ATE1: variants seen among roughly 807,000 people sequenced by gnomAD.
ATE1 encodes the protein arginyltransferase 1.
In ATE1, 36 loss-of-function variants were observed where a neutral mutation model predicts 70.5. That is an observed-to-expected ratio of 0.51 (90% CI 0.39 to 0.67). ATE1 has a LOEUF of 0.67. Ranked by LOEUF, ATE1 falls within the 30% of genes least tolerant of loss-of-function variation. The pLI is 0.00. For missense variants in ATE1, 593 were observed against 629.5 expected, an observed-to-expected ratio of 0.94 and a Z score of 0.62; for synonymous variants, 232 against 219.3, an observed-to-expected ratio of 1.06 and a Z score of -0.51.
intron 3 of ATE1, among the ~76,000 whole-genome samples, chr10:121,921,886 G>A (rs1036433905): frequency 1.3e-5 from 2 of 152,132 alleles, no homozygotes; most frequent in Non-Finnish European, 2.9e-5. Flanking sequence ...TTTAACCCGA[G>A]GTCTCTCTTG....
At chr10:121,814,990 A>C (rs1947478572) in intron 10 of ATE1, among the ~76,000 whole-genome samples, 1 of 152,242 alleles carries the variant, frequency 6.6e-6, no homozygotes, top group African/African-American at 2.4e-5. Flanking sequence ...TGCTAGAGTG[A>C]AAGTAATTCA....
chr10:121,760,466 G>C (rs945760625), intron 11 of ATE1, among the ~76,000 whole-genome samples: 1 of 152,194 alleles, frequency 6.6e-6, no homozygotes, highest in Non-Finnish European at 1.5e-5. Flanking sequence ...ATGATTTGGA[G>C]GGGTTTGAGA....
intron 2 of ATE1, among the ~76,000 whole-genome samples, chr10:121,923,799 A>G (rs1336088614): frequency 4.6e-5 from 7 of 152,222 alleles, no homozygotes; most frequent in Admixed American, 2.6e-4. Flanking sequence ...TGGAAAATCT[A>G]ATAAAAAGTA....
At chr10:121,910,024 G>A (rs1951357427) in intron 5 of ATE1, among the ~76,000 whole-genome samples, 1 of 152,144 alleles carries the variant, frequency 6.6e-6, no homozygotes, top group Non-Finnish European at 1.5e-5. Flanking sequence ...AGCCTAGGCG[G>A]CAGAGCAAGA....
At chr10:121,898,873 G>C (rs1428898840) in intron 7 of ATE1, 1 of 1,613,892 alleles carries the variant, frequency 6.2e-7, no homozygotes, top group Middle Eastern at 1.7e-4. Context: ...GGTGGATCCT[G>C]GTGTATGGCC....
At chr10:121,827,616 A>G (rs1053815042) in intron 10 of ATE1, among the ~76,000 whole-genome samples, 9 of 152,228 alleles carry the variant, frequency 5.9e-5, no homozygotes, top group Non-Finnish European at 1.0e-4. Context: ...GTCTCATTAC[A>G]ATGGCCACAA....
intron 10 of ATE1, among the ~76,000 whole-genome samples, chr10:121,797,455 A>G (rs1946701934): frequency 6.6e-6 from 1 of 152,074 alleles, no homozygotes; most frequent in South Asian, 2.1e-4. Context: ...CATCATCCCC[A>G]AAGAAACCCA....
At chr10:121,878,568 G>A (rs1950130983) in intron 7 of ATE1, among the ~76,000 whole-genome samples, 1 of 151,370 alleles carries the variant, frequency 6.6e-6, no homozygotes, top group South Asian at 2.1e-4. Flanking sequence ...GCTCCAGCCT[G>A]GGCGACAGAG....
At chr10:121,839,434 AT>A (rs1448786867) in intron 9 of ATE1, among the ~76,000 whole-genome samples, 1 of 152,220 alleles carries the variant, frequency 6.6e-6, no homozygotes, top group Non-Finnish European at 1.5e-5. Flanking sequence ...TAATACAAAA[AT>A]AAAACCAAAC....
At chr10:121,800,478 T>G in intron 10 of ATE1, among the ~76,000 whole-genome samples, 1 of 152,238 alleles carries the variant, frequency 6.6e-6, no homozygotes, top group Non-Finnish European at 1.5e-5. Context: ...AAGATCTTTA[T>G]GAGATTTCAC....
chr10:121,857,869 G>A (rs1453074796), intron 8 of ATE1, among the ~76,000 whole-genome samples: 1 of 152,054 alleles, frequency 6.6e-6, no homozygotes, highest in African/African-American at 2.4e-5. Flanking sequence ...CGCTGCCCCT[G>A]GCAACCATCA....
At position 121,745,902 on chromosome 10, in the gene ATE1, C is replaced by T. The variant is rs115980900; in HGVS notation, c.1379-2044G>A. ...TATATCCACAGAATGAAATGTTATA[C>T]ACAACTATTAAAAAGACAAAGGAAG... On this transcript the variant is annotated intron_variant, in intron 11 of 11. Transcript: ENST00000224652. Among the ~76,000 whole-genome samples, 653 of 152,176 alleles carry T rather than the reference C, an allele frequency of 4.3e-3. 6 individuals carry two copies. The highest frequency in any genetic ancestry group is 0.015 in the African/African-American group (624 of 41,490).
At chr10:121,747,160 C>A (rs950090584) in intron 11 of ATE1, among the ~76,000 whole-genome samples, 10 of 152,228 alleles carry the variant, frequency 6.6e-5, no homozygotes, top group East Asian at 5.8e-4. Context: ...AGGGCCTTCA[C>A]ATCCACAGAA....
At chr10:121,893,322 T>C (rs1950648570) in intron 7 of ATE1, among the ~76,000 whole-genome samples, 1 of 150,722 alleles carries the variant, frequency 6.6e-6, no homozygotes. Context: ...ATGTAGATAA[T>C]TGTACCATTG....
chr10:121,805,263 G>A (rs1007163822), intron 10 of ATE1, among the ~76,000 whole-genome samples: 10 of 152,032 alleles, frequency 6.6e-5, no homozygotes, highest in Middle Eastern at 3.2e-3. Flanking sequence ...ATAAACAAAC[G>A]TTTAATTTTT....
intron 11 of ATE1, among the ~76,000 whole-genome samples, chr10:121,782,063 T>G (rs1946016225): frequency 6.6e-6 from 1 of 152,114 alleles, no homozygotes; most frequent in Non-Finnish European, 1.5e-5. Flanking sequence ...AAAAAGAATC[T>G]AAATAGTTTA....
Position 121,836,767 on chromosome 10 carries a change from T to C in ATE1, c.1208A>G (p.Tyr403Cys), listed in dbSNP as rs148135505. The C allele has an allele frequency of 9.1e-4, 1,460 of 1,602,730 alleles. 1 individual carries two copies. The highest frequency in any genetic ancestry group is 1.1e-3 in the Non-Finnish European group (1,314 of 1,175,702). ...QLHEKTSQLS[Y>C]YYMGFYIHSC... ...ATGAATGTAGAAACCCATATAATAA[T>C]AGCTGAGTTGAGAAGTTTTCTCATG... Residue 403 changes from tyrosine (Y) to cysteine (C), a missense_variant, in exon 10 of 12, where the codon TAT becomes TGT. This residue lies in a region of ATE1 where 36 missense variants were observed against 66.3 expected (regional missense o/e 0.54). Transcript: ENST00000224652.
In ATE1 at chr10:121,751,978, G is replaced by A. The variant is rs182320016; in HGVS notation, c.1379-8120C>T. Among the ~76,000 whole-genome samples, 876 of 151,986 alleles carry A rather than the reference G, an allele frequency of 5.8e-3. 15 individuals carry two copies. Among genetic ancestry groups the A allele is most frequent in the East Asian group, 0.04 (203 of 5,056 alleles). ...GGAGGCTGAGGCGCATGGATCGTGA[G>A]GTCAGGAAATCGAGACCATCCTGGC... On this transcript the variant is annotated intron_variant, in intron 11 of 11. Transcript: ENST00000224652.
intron 10 of ATE1, among the ~76,000 whole-genome samples, chr10:121,797,911 T>C (rs1946723867): frequency 6.6e-6 from 1 of 152,222 alleles, no homozygotes; most frequent in African/African-American, 2.4e-5. Context: ...TTTCCTTATT[T>C]ATTTATATCT....
Sources: gnomAD v4.1 joint callset for allele counts (sites outside exome capture counted in the v4.1 genomes callset) on GRCh38, gnomAD v4.1.1 for gene constraint, gnomAD v4.1.1 regional missense constraint, MANE v1.5 for transcripts, NCBI Gene and HGNC (gene_info 2026-07-23, HGNC 2026-07-21) for gene names.